The following TSHR variants were observed in gnomAD, a reference collection of about 807,000 sequenced individuals.
The protein encoded by TSHR is thyrotropin receptor.
In TSHR, 51 loss-of-function variants were observed where a neutral mutation model predicts 64.1. The ratio of observed to expected loss-of-function variants is 0.80; its 90% CI spans 0.64 to 1.01. The LOEUF is 1.01. Among genes scored for constraint, TSHR ranks in the 50% least tolerant of loss-of-function variants. The pLI, the probability that TSHR is intolerant of heterozygous loss-of-function variation, is 0.00. For synonymous variants in TSHR, 361 were observed against 361.9 expected, an observed-to-expected ratio of 1.00 and a Z score of 0.03; for missense variants, 877 against 942.8, an observed-to-expected ratio of 0.93 and a Z score of 0.91.
At chr14:81,108,743 G>A (rs2140032982) in intron 8 of TSHR, 1 of 1,610,878 alleles carries the variant, frequency 6.2e-7, no homozygotes. Flanking sequence ...TGGAGCAGCT[G>A]CTGTTTGAAA....
intron 3 of TSHR, chr14:81,078,912 G>A (rs997107189): frequency 3.3e-5 from 5 of 152,174 alleles, no homozygotes; most frequent in Non-Finnish European, 7.3e-5. Context: ...GCTCAGCACT[G>A]TCTGGCATCC....
chr14:81,066,382 T>C (rs979504497), intron 2 of TSHR, among the ~76,000 whole-genome samples: 8 of 152,228 alleles, frequency 5.3e-5, no homozygotes, highest in African/African-American at 1.9e-4. Flanking sequence ...TTCAATCTGT[T>C]CCATTGTTTC....
chr14:81,022,267 C>T (rs1181699903), intron 1 of TSHR, among the ~76,000 whole-genome samples: 2 of 152,098 alleles, frequency 1.3e-5, no homozygotes, highest in Non-Finnish European at 2.9e-5. Context: ...GAGACTCCGT[C>T]TCAAAAACAA....
intron 1 of TSHR, among the ~76,000 whole-genome samples, chr14:80,974,287 C>T (rs905620041): frequency 6.6e-6 from 1 of 152,182 alleles, no homozygotes; most frequent in Admixed American, 6.5e-5. Context: ...CACTTGTCTA[C>T]TTTTCAAAGG....
chr14:81,017,042 G>A (rs1463652697), intron 1 of TSHR, among the ~76,000 whole-genome samples: 3 of 152,128 alleles, frequency 2.0e-5, no homozygotes, highest in Non-Finnish European at 4.4e-5. Context: ...CAGAACATAG[G>A]ATTTAACAAT....
rs564587968 is a variant in TSHR at position 81,113,013 on chromosome 14, G to A, written c.692+4561G>A. Among the ~76,000 whole-genome samples, 6 of 152,288 alleles carry A rather than the reference G, an allele frequency of 3.9e-5. No individual in the cohort carries two copies. The East Asian group carries it at 9.6e-4, about 24-fold the overall frequency. On this transcript the variant is annotated intron_variant, in intron 8 of 9. Coordinates refer to ENST00000298171, the MANE Select transcript of TSHR (RefSeq NM_000369.5). The stretch of plus-strand genomic sequence containing the variant: ...GATTTGCTCTTTAGATAGAGGGGAA[G>A]CCATAGGAGCATTTTGAGCATAGGT...
At chr14:81,033,028 G>T in intron 1 of TSHR, 1 of 358,738 alleles carries the variant, frequency 2.8e-6, no homozygotes. Context: ...GTCCTTTGGT[G>T]TTCCCAATTT....
intron 3 of TSHR, chr14:81,079,081 G>A (rs913068141): frequency 6.6e-5 from 10 of 152,192 alleles, no homozygotes; most frequent in African/African-American, 2.4e-4. Flanking sequence ...ATACAAGAAT[G>A]GTAGGTTCTC....
intron 5 of TSHR, among the ~76,000 whole-genome samples, chr14:81,091,589 G>A (rs113672299): frequency 2.0e-5 from 3 of 152,284 alleles, no homozygotes; most frequent in African/African-American, 7.2e-5. Flanking sequence ...TTGAATAGAA[G>A]GAATATTTGA....
chr14:80,959,713 T>C (rs974028479), intron 1 of TSHR, among the ~76,000 whole-genome samples: 4 of 152,230 alleles, frequency 2.6e-5, no homozygotes, highest in Non-Finnish European at 5.9e-5. Flanking sequence ...CAGATATGTT[T>C]CTGAAGGAGC....
chr14:81,120,403 T>G (rs1205770891), intron 8 of TSHR, among the ~76,000 whole-genome samples: 1 of 152,182 alleles, frequency 6.6e-6, no homozygotes, highest in Non-Finnish European at 1.5e-5. Flanking sequence ...CCTCCTTGGT[T>G]TAAATTTATT....
chr14:81,143,537 G>A lies in TSHR; in HGVS notation c.1479G>A (p.Gly493=), dbSNP rs757106859. The A allele has an allele frequency of 3.1e-6, 5 of 1,613,216 alleles. No individual in the cohort carries two copies. Among genetic ancestry groups the A allele is most frequent in the African/African-American group, 1.3e-5 (1 of 74,914 alleles). The change falls in exon 10 of 10, where the codon GGG becomes GGA. Residue 493 remains glycine, a synonymous_variant. Transcript: ENST00000298171. Reference sequence around the variant, plus strand: ...CCATCGACTGGCAGACAGGCCCTGGGTGCAACACGGCTGGTTTCTTCACTG... The same window carrying A: ...CCATCGACTGGCAGACAGGCCCTGGATGCAACACGGCTGGTTTCTTCACTG... ...NHAIDWQTGP[G]CNTAGFFTVF... is the part of the protein sequence containing the mutation.
intron 1 of TSHR, chr14:80,983,610 G>A (rs1888287294): frequency 1.0e-6 from 1 of 957,144 alleles, no homozygotes; most frequent in Non-Finnish European, 1.6e-6. Context: ...CATTCTCAGG[G>A]AAGTTAAAGG....
At chr14:81,081,225 A>T (rs893976847) in intron 3 of TSHR, among the ~76,000 whole-genome samples, 1 of 152,232 alleles carries the variant, frequency 6.6e-6, no homozygotes, top group Non-Finnish European at 1.5e-5. Flanking sequence ...ATTTAATCAC[A>T]TAAGAAAAGC....
At chr14:81,092,423 G>C in intron 5 of TSHR, 108 bp from the exon 6 acceptor site, 1 of 1,038,636 alleles carries the variant, frequency 9.6e-7, no homozygotes, top group South Asian at 1.3e-5. Flanking sequence ...AAAGAAATAA[G>C]ATTAAGCTAT....
At chr14:81,077,089 T>C (rs1034294457) in intron 3 of TSHR, among the ~76,000 whole-genome samples, 3 of 152,176 alleles carry the variant, frequency 2.0e-5, no homozygotes, top group Non-Finnish European at 2.9e-5. Flanking sequence ...AATTATGACC[T>C]ACACAGAGAC....
intron 1 of TSHR, among the ~76,000 whole-genome samples, chr14:81,023,113 C>T (rs958932476): frequency 8.5e-5 from 13 of 152,158 alleles, no homozygotes; most frequent in African/African-American, 3.1e-4. Flanking sequence ...CTCAGTTTAA[C>T]ATATTCTGTT....
intron 7 of TSHR, 168 bp from the exon 8 acceptor site, chr14:81,108,207 C>A: frequency 1.6e-6 from 1 of 621,554 alleles, no homozygotes; most frequent in Non-Finnish European, 2.8e-6. Context: ...ACAATTGAAA[C>A]CTAGAATGTT....
chr14:80,965,323 T>C (rs1205170407), intron 1 of TSHR, among the ~76,000 whole-genome samples: 1 of 152,210 alleles, frequency 6.6e-6, no homozygotes, highest in South Asian at 2.1e-4. Flanking sequence ...GAGCCTCCAG[T>C]GGTATAGTGA....
Sources: gnomAD v4.1 joint callset for allele counts (sites outside exome capture counted in the v4.1 genomes callset) on GRCh38, gnomAD v4.1.1 for gene constraint, MANE v1.5 for transcripts, NCBI Gene and HGNC (gene_info 2026-07-23, HGNC 2026-07-21) for gene names.